The following MGAT4C variants were observed in gnomAD, a reference collection of about 807,000 sequenced individuals.
MGAT4C encodes the protein MGAT4 family member C, also known as alpha-1,3-mannosyl-glycoprotein 4-beta-N-acetylglucosaminyltransferase C.
MGAT4C carries 19 observed loss-of-function variants against 40.1 expected under a neutral mutation model. That is an observed-to-expected ratio of 0.47 (90% confidence interval 0.33 to 0.70). The LOEUF (loss-of-function observed/expected upper bound fraction) is 0.70. Ranked by LOEUF, MGAT4C falls within the 30% of genes least tolerant of loss-of-function variation. MGAT4C has a pLI of 0.02. For missense variants in MGAT4C, 491 were observed against 563.2 expected, an observed-to-expected ratio of 0.87 and a Z score of 1.30; for synonymous variants, 181 against 187.1, an observed-to-expected ratio of 0.97 and a Z score of 0.27.
intron 1 of MGAT4C, among the ~76,000 whole-genome samples, chr12:86,194,004 G>A (rs899104075): frequency 7.9e-5 from 12 of 151,398 alleles, no homozygotes; most frequent in Non-Finnish European, 1.6e-4. Context: ...TTTTATTTGG[G>A]GGTATTTAGA....
In MGAT4C at chr12:86,311,758, G is replaced by A. The variant is rs185962343; in HGVS notation, c.-57+22307C>T. ...CATGGATCAGGAGCTGGGGCTTAGA[G>A]TCTTTGTCCACAGGTTGTCCTGCCT... On this transcript the variant is annotated intron_variant, in intron 4 of 7. Coordinates refer to the MGAT4C transcript ENST00000548651. Among the ~76,000 whole-genome samples, 301 of 152,318 alleles carry A rather than the reference G, an allele frequency of 2.0e-3. 1 individual carries two copies. Among genetic ancestry groups the A allele is most frequent in the Non-Finnish European group, 3.7e-3 (249 of 68,030 alleles).
At chr12:86,417,800 A>C (rs1956746502) in intron 3 of MGAT4C, among the ~76,000 whole-genome samples, 1 of 152,124 alleles carries the variant, frequency 6.6e-6, no homozygotes, top group African/African-American at 2.4e-5. Context: ...TGATGATAAT[A>C]ATAAGACCTA....
At chr12:86,491,730 T>G (rs1289454788) in intron 2 of MGAT4C, among the ~76,000 whole-genome samples, 1 of 150,424 alleles carries the variant, frequency 6.6e-6, no homozygotes, top group Admixed American at 6.7e-5. Context: ...CTTTGAAAAC[T>G]GGCACAAGAC....
chr12:86,831,120 C>A (rs1952919000), intron 1 of MGAT4C, among the ~76,000 whole-genome samples: 1 of 151,528 alleles, frequency 6.6e-6, no homozygotes, highest in East Asian at 1.9e-4. Flanking sequence ...AAGAGTATAC[C>A]TTTTTTCAAT....
intron 2 of MGAT4C, among the ~76,000 whole-genome samples, chr12:86,489,695 C>T (rs1310826648): frequency 6.6e-6 from 1 of 152,144 alleles, no homozygotes; most frequent in Non-Finnish European, 1.5e-5. Context: ...ACTCCCTCCT[C>T]CGAGGGGTTG....
intron 3 of MGAT4C, among the ~76,000 whole-genome samples, chr12:86,359,241 G>T (rs117273849): frequency 3.3e-5 from 5 of 152,060 alleles, no homozygotes; most frequent in Non-Finnish European, 4.4e-5. Context: ...GGTACCTAAT[G>T]AAATGAAGGC....
chr12:86,713,964 T>C (rs1465658227), intron 2 of MGAT4C, among the ~76,000 whole-genome samples: 1 of 152,152 alleles, frequency 6.6e-6, no homozygotes, highest in Non-Finnish European at 1.5e-5. Flanking sequence ...TATTAGAAAA[T>C]GGTTTGCACA....
chr12:86,346,755 G>T (rs577402541), intron 3 of MGAT4C, among the ~76,000 whole-genome samples: 2 of 152,234 alleles, frequency 1.3e-5, no homozygotes, highest in South Asian at 2.1e-4. Flanking sequence ...TGAGGGTGTT[G>T]CCAAAAGAGA....
At chr12:86,212,020 TATGCTACC>T (rs1950490009) in intron 1 of MGAT4C, among the ~76,000 whole-genome samples, 2 of 152,294 alleles carry the variant, frequency 1.3e-5, no homozygotes, top group South Asian at 4.1e-4. Flanking sequence ...AAAAATATCT[TATGCTACC>T]TCCTAACGTT....
At chr12:86,181,447 A>G (rs1392865817) in intron 1 of MGAT4C, among the ~76,000 whole-genome samples, 1 of 152,210 alleles carries the variant, frequency 6.6e-6, no homozygotes, top group Admixed American at 6.5e-5. Context: ...AATTCAACAG[A>G]TAAGCAGTCA....
intron 2 of MGAT4C, among the ~76,000 whole-genome samples, chr12:86,487,646 A>G (rs997672226): frequency 6.6e-6 from 1 of 152,190 alleles, no homozygotes; most frequent in African/African-American, 2.4e-5. Context: ...ATATATTTAC[A>G]TAATATGTCA....
chr12:86,289,481 G>C (rs941673648), intron 4 of MGAT4C, among the ~76,000 whole-genome samples: 1 of 151,980 alleles, frequency 6.6e-6, no homozygotes, highest in African/African-American at 2.4e-5. Flanking sequence ...TAATGAATCT[G>C]TAAATTGCTT....
chr12:86,213,412 G>A (rs1264152241), intron 1 of MGAT4C, among the ~76,000 whole-genome samples: 1 of 152,154 alleles, frequency 6.6e-6, no homozygotes, highest in Non-Finnish European at 1.5e-5. Flanking sequence ...CAAAGTCATG[G>A]TGGTACCATA....
At chr12:86,638,789 T>C (rs1593069008) in intron 2 of MGAT4C, among the ~76,000 whole-genome samples, 1 of 151,786 alleles carries the variant, frequency 6.6e-6, no homozygotes, top group East Asian at 1.9e-4. Flanking sequence ...CTCAAACAGC[T>C]GTGTACTATG....
intron 2 of MGAT4C, among the ~76,000 whole-genome samples, chr12:86,522,182 G>A (rs1958806378): frequency 6.6e-6 from 1 of 152,116 alleles, no homozygotes; most frequent in Non-Finnish European, 1.5e-5. Context: ...TCCTGTGACA[G>A]GTTTCAAGAG....
At chr12:85,997,539 G>A (rs2136756643) in intron 2 of MGAT4C, among the ~76,000 whole-genome samples, 1 of 152,288 alleles carries the variant, frequency 6.6e-6, no homozygotes, top group South Asian at 2.1e-4. Context: ...GCTAGTTACT[G>A]CCTAGATACA....
chr12:86,123,436 A>G (rs928246761), intron 1 of MGAT4C, among the ~76,000 whole-genome samples: 4 of 152,184 alleles, frequency 2.6e-5, no homozygotes, highest in African/African-American at 9.7e-5. Context: ...ATTCATAATC[A>G]TCTGAATGTA....
At chr12:86,021,607 A>G (rs1592708196) in intron 2 of MGAT4C, among the ~76,000 whole-genome samples, 1 of 108,488 alleles carries the variant, frequency 9.2e-6, no homozygotes, top group African/African-American at 3.6e-5. Flanking sequence ...GGGAGGGGGG[A>G]GGGATAGCAT....
intron 1 of MGAT4C, among the ~76,000 whole-genome samples, chr12:86,117,507 T>C (rs529423568): frequency 1.3e-5 from 2 of 152,214 alleles, no homozygotes; most frequent in South Asian, 4.1e-4. Context: ...ATAAACTACC[T>C]TGACAAAATG....
Sources: allele counts gnomAD v4.1 joint callset (sites outside exome capture counted in the v4.1 genomes callset), GRCh38; gene constraint gnomAD v4.1.1; transcripts MANE v1.5; gene names NCBI Gene and HGNC (gene_info 2026-07-23, HGNC 2026-07-21).